FREM1: variants seen among roughly 807,000 people sequenced by gnomAD.
FREM1 encodes the protein FRAS1-related extracellular matrix protein 1.
Under a neutral mutation model 210.1 loss-of-function variants are expected in FREM1, and 220 were observed. The observed-to-expected ratio is 1.05, with a 90% CI of 0.94 to 1.17. The LOEUF (loss-of-function observed/expected upper bound fraction) is 1.17. FREM1 is among the 50% of genes most tolerant of loss of function. The pLI, the probability that FREM1 is intolerant of heterozygous loss-of-function variation, is 0.00. For synonymous variants in FREM1, 1,189 were observed against 980.2 expected (o/e 1.21, Z -3.98); for missense variants, 3,454 against 2,675.5 (o/e 1.29, Z -6.42).
intron 24 of FREM1, among the ~76,000 whole-genome samples, chr9:14,781,514 C>A (rs145251604): frequency 6.6e-6 from 1 of 152,184 alleles, no homozygotes; most frequent in Non-Finnish European, 1.5e-5. Flanking sequence ...AACCTTTTAA[C>A]TACTAAAAAC....
Position 14,816,836 on chromosome 9 carries a change from T to A in FREM1, c.2582A>T (p.Asp861Val). 1.4e-6 allele frequency: 2 copies of A among 1,442,386 alleles called. No homozygotes were observed. The highest frequency in any genetic ancestry group is 1.9e-6 in the Non-Finnish European group (2 of 1,068,436). The allele number at this position is 1,442,386 out of a possible 1,614,324, so 89.3% of individuals were successfully genotyped here. Residue 861 changes from aspartate (D) to valine (V), a missense_variant, in exon 15 of 37, where the codon GAC becomes GTC. Transcript: ENST00000380880. ...QHDGTEVLQD[D>V]LLLEVTDGTN... ...GCCATCGGTGACCTCCAAGAGTAGGTCATCCTGAAGAACTTCAGTTCCATC... is the reference window on the plus strand; with the variant it reads ...GCCATCGGTGACCTCCAAGAGTAGGACATCCTGAAGAACTTCAGTTCCATC...
In FREM1 at chr9:14,880,555, G is replaced by A. The variant is rs540952335; in HGVS notation, c.-267-11311C>T. Among the ~76,000 whole-genome samples the A allele has an allele frequency of 3.5e-5, 5 of 144,040 alleles. No individual in the cohort carries two copies. The East Asian group carries it at 1.0e-3, about 30-fold the overall frequency. The allele number at this position is 144,040 out of a possible 152,430, so 94.5% of individuals were successfully genotyped here. On this transcript the variant is annotated intron_variant, in intron 1 of 36. Transcript: ENST00000380880. ...GGAGGCAAAGGGTGCAGTGGGCCGA[G>A]ATCGTGCCACTGCACTCCAGCCTGG...
chr9:14,882,415 A>T (rs1834952859), intron 1 of FREM1, among the ~76,000 whole-genome samples: 1 of 151,922 alleles, frequency 6.6e-6, no homozygotes, highest in Non-Finnish European at 1.5e-5. Context: ...TTGAATTTTG[A>T]ATATCTGGAT....
intron 10 of FREM1, among the ~76,000 whole-genome samples, chr9:14,830,377 C>A (rs2130951073): frequency 6.6e-6 from 1 of 152,154 alleles, no homozygotes; most frequent in South Asian, 2.1e-4. Context: ...AAGCAAGAGC[C>A]CAGCAATTGA....
chr9:14,829,125 A>G lies in FREM1; in HGVS notation c.1882-4133T>C, dbSNP rs1054186038. ...CAACATCTAGCACAATTTTTTTTGT[A>G]GGTAGGAGGCACTTTATTAATGTTT... On this transcript the variant is annotated intron_variant, in intron 10 of 36. Coordinates refer to ENST00000380880, the MANE Select transcript of FREM1 (RefSeq NM_001379081.2). 2.0e-5 allele frequency among the ~76,000 whole-genome samples: 3 copies of G among 152,126 alleles called. No homozygotes were observed. The East Asian group carries it at 5.8e-4, about 29-fold the overall frequency.
rs922388237 is a variant in FREM1 at position 14,845,995 on chromosome 9, A to G, written c.1358T>C (p.Val453Ala). 2.5e-6 allele frequency: 4 copies of G among 1,613,534 alleles called. No individual in the cohort carries two copies. The highest frequency in any genetic ancestry group is 3.4e-6 in the Non-Finnish European group (4 of 1,179,702). Residue 453 changes from valine to alanine, a missense_variant, in exon 8 of 37, where the codon GTT (valine) becomes GCT (alanine). By Grantham distance (64) the Val-to-Ala change is moderately conservative. Coordinates refer to ENST00000380880, the MANE Select transcript of FREM1 (RefSeq NM_001379081.2). The part of the protein sequence containing the change: ...DDIGAVRLVT[V>A]GGLQHGWLTL... Reference sequence around the variant, plus strand: ...CAGCCATCCATGCTGCAGGCCACCAACGGTGACTAGCCGGACAGCACCAAT... The same window carrying G: ...CAGCCATCCATGCTGCAGGCCACCAGCGGTGACTAGCCGGACAGCACCAAT...
chr9:14,871,172 T>G (rs571524663), intron 1 of FREM1, among the ~76,000 whole-genome samples: 1 of 152,318 alleles, frequency 6.6e-6, no homozygotes, highest in East Asian at 1.9e-4. Flanking sequence ...ATATACCCAG[T>G]AATGGGATGG....
intron 27 of FREM1, among the ~76,000 whole-genome samples, chr9:14,760,289 T>G (rs1220003943): frequency 6.6e-6 from 1 of 152,206 alleles, no homozygotes; most frequent in Admixed American, 6.5e-5. Flanking sequence ...TGATAGGAAG[T>G]CTTCTATCTT....
chr9:14,821,527 G>A (rs1291094754), intron 13 of FREM1, among the ~76,000 whole-genome samples: 1 of 152,170 alleles, frequency 6.6e-6, no homozygotes, highest in Admixed American at 6.5e-5. Flanking sequence ...GAAAAGAATG[G>A]TCTGAATAAA....
chr9:14,755,416 GA>G (rs1780907677), intron 29 of FREM1, among the ~76,000 whole-genome samples: 1 of 152,198 alleles, frequency 6.6e-6, no homozygotes, highest in African/African-American at 2.4e-5. Context: ...TCAGTATGCA[GA>G]ACATCTCCTT....
At chr9:14,827,861 C>A (rs1822768872) in intron 10 of FREM1, among the ~76,000 whole-genome samples, 1 of 152,222 alleles carries the variant, frequency 6.6e-6, no homozygotes, top group South Asian at 2.1e-4. Flanking sequence ...CCAGCTGTGG[C>A]TCAAGCAGGC....
intron 1 of FREM1, among the ~76,000 whole-genome samples, chr9:14,902,126 A>G (rs182791052): frequency 1.2e-3 from 181 of 152,126 alleles, no homozygotes; most frequent in Non-Finnish European, 1.9e-3. Flanking sequence ...GATTACAGGC[A>G]TGAGCCACCA....
At chr9:14,885,242 T>C (rs1835600594) in intron 1 of FREM1, among the ~76,000 whole-genome samples, 1 of 152,102 alleles carries the variant, frequency 6.6e-6, no homozygotes, top group East Asian at 1.9e-4. Flanking sequence ...CCAAAACTCT[T>C]CTCATTAGTG....
At chr9:14,841,333 T>A in intron 10 of FREM1, 114 bp downstream of exon 10, 1 of 849,144 alleles carries the variant, frequency 1.2e-6, no homozygotes, top group Non-Finnish European at 1.7e-6. Flanking sequence ...TTTAATCGAT[T>A]GTTTTTCAAA....
chr9:14,789,151 T>C lies in FREM1; in HGVS notation c.3982-37A>G, dbSNP rs751906837. ...CAGAGTTAGTCAGCTGCTCATGGTT[T>C]TTTCTTTTCCCCCAACGTACGTTAG... On this transcript the variant is annotated intron_variant, in intron 22 of 36. Transcript: ENST00000380880. 7 of 1,453,278 alleles carry C rather than the reference T, an allele frequency of 4.8e-6. No individual in the cohort carries two copies. In the African/African-American group the frequency reaches 9.8e-5, roughly 20 times the overall value. 90.0% of individuals were successfully genotyped at this position (1,453,278 alleles called of 1,614,324 possible). A position where few individuals can be genotyped will look rare whatever the true frequency, so the allele number is the denominator to read the frequency against.
intron 24 of FREM1, among the ~76,000 whole-genome samples, chr9:14,780,145 C>G (rs1005836209): frequency 6.6e-6 from 1 of 152,072 alleles, no homozygotes; most frequent in African/African-American, 2.4e-5. Flanking sequence ...GGTATCCATT[C>G]TGAGGTGAAG....
intron 16 of FREM1, among the ~76,000 whole-genome samples, chr9:14,809,105 T>C (rs935408261): frequency 6.6e-6 from 1 of 152,206 alleles, no homozygotes; most frequent in African/African-American, 2.4e-5. Flanking sequence ...TGCGCTTTTC[T>C]CATGATAGTG....
At chr9:14,792,260 C>CCA (rs1317167026) in intron 22 of FREM1, among the ~76,000 whole-genome samples, 2 of 114,390 alleles carry the variant, frequency 1.7e-5, no homozygotes, top group African/African-American at 7.1e-5. Flanking sequence ...ATACACACAC[C>CCA]CACACACACA....
intron 10 of FREM1, among the ~76,000 whole-genome samples, chr9:14,828,268 G>C (rs1475673591): frequency 6.6e-6 from 1 of 152,222 alleles, no homozygotes; most frequent in Non-Finnish European, 1.5e-5. Context: ...CAGAAGGCAG[G>C]ACACAGAGTC....
Sources: allele counts gnomAD v4.1 joint callset (sites outside exome capture counted in the v4.1 genomes callset), GRCh38; gene constraint gnomAD v4.1.1; transcripts MANE v1.5; gene names NCBI Gene and HGNC (gene_info 2026-07-23, HGNC 2026-07-21).